The following GMDS variants were observed in gnomAD, a reference collection of about 807,000 sequenced individuals.
GMDS encodes the protein GDP-mannose 4,6 dehydratase.
Under a neutral mutation model 49.9 loss-of-function variants are expected in GMDS, and 20 were observed. That is an observed-to-expected ratio of 0.40 (90% confidence interval 0.28 to 0.58). The LOEUF is 0.58. GMDS is among the 20% of genes least tolerant of loss of function. The pLI, the probability that GMDS is intolerant of heterozygous loss-of-function variation, is 0.42. For synonymous variants in GMDS, 177 were observed against 178.6 expected (o/e 0.99, Z 0.07); for missense variants, 362 against 481.4 (o/e 0.75, Z 2.32).
chr6:1,794,968 T>G (rs754429710), intron 7 of GMDS, among the ~76,000 whole-genome samples: 11 of 151,990 alleles, frequency 7.2e-5, no homozygotes, highest in Non-Finnish European at 1.5e-4. Context: ...GGGTGGGTGA[T>G]TACTTGAGCC....
intron 9 of GMDS, 36 bp from the exon 10 acceptor site, chr6:1,624,576 G>A (rs772477524): frequency 6.7e-7 from 1 of 1,483,254 alleles, no homozygotes; most frequent in Non-Finnish European, 9.4e-7. Context: ...GCAGGCGTGG[G>A]TCGTGGGGGT....
intron 4 of GMDS, among the ~76,000 whole-genome samples, chr6:2,099,297 G>T (rs1478282031): frequency 6.6e-6 from 1 of 152,104 alleles, no homozygotes; most frequent in Non-Finnish European, 1.5e-5. Flanking sequence ...GTACTTGAGT[G>T]AAAGTACAGT....
At chr6:1,863,691 C>G (rs1581270425) in intron 7 of GMDS, among the ~76,000 whole-genome samples, 1 of 152,058 alleles carries the variant, frequency 6.6e-6, no homozygotes, top group Non-Finnish European at 1.5e-5. Flanking sequence ...TACAAGGTTG[C>G]CTGAGATCAC....
At chr6:1,775,779 TAC>T (rs1192553729) in intron 7 of GMDS, among the ~76,000 whole-genome samples, 2 of 152,178 alleles carry the variant, frequency 1.3e-5, no homozygotes, top group Non-Finnish European at 2.9e-5. Context: ...TTCTTTGAAA[TAC>T]AGAGAAATTA....
intron 4 of GMDS, among the ~76,000 whole-genome samples, chr6:2,052,833 C>T (rs1321043710): frequency 1.3e-5 from 2 of 152,054 alleles, no homozygotes; most frequent in Non-Finnish European, 2.9e-5. Flanking sequence ...GGAAACTAGC[C>T]CTAGGACCAA....
intron 9 of GMDS, among the ~76,000 whole-genome samples, chr6:1,647,230 C>T (rs1763512740): frequency 6.6e-6 from 1 of 152,216 alleles, no homozygotes; most frequent in Non-Finnish European, 1.5e-5. Flanking sequence ...GACATAACCC[C>T]TCCGCTGAAC....
intron 1 of GMDS, among the ~76,000 whole-genome samples, chr6:2,215,488 C>T (rs1780284738): frequency 6.7e-6 from 1 of 148,254 alleles, no homozygotes; most frequent in Admixed American, 6.7e-5. Flanking sequence ...ATGGGGGCAA[C>T]CACCCCCATG....
chr6:2,028,161 A>C (rs1318066380), intron 4 of GMDS, among the ~76,000 whole-genome samples: 3 of 152,222 alleles, frequency 2.0e-5, no homozygotes, highest in Non-Finnish European at 2.9e-5. Flanking sequence ...GTGTAAAATG[A>C]ATACTTTTGT....
chr6:1,749,703 C>T (rs1349647673), intron 7 of GMDS, among the ~76,000 whole-genome samples: 3 of 152,238 alleles, frequency 2.0e-5, no homozygotes, highest in Admixed American at 6.5e-5. Context: ...CTGCTTCTCT[C>T]TAATAGGTAA....
chr6:1,867,308 G>C (rs1266637758), intron 7 of GMDS, among the ~76,000 whole-genome samples: 1 of 152,170 alleles, frequency 6.6e-6, no homozygotes, highest in Non-Finnish European at 1.5e-5. Context: ...TTTCTAAAAA[G>C]AAATTATTTT....
intron 2 of GMDS, among the ~76,000 whole-genome samples, chr6:2,122,223 TG>T (rs1478678410): frequency 1.3e-5 from 2 of 152,190 alleles, no homozygotes; most frequent in African/African-American, 4.8e-5. Flanking sequence ...CCTTTAGTTG[TG>T]GTGGTTTCTC....
intron 9 of GMDS, among the ~76,000 whole-genome samples, chr6:1,695,439 C>T (rs1372344905): frequency 6.6e-6 from 1 of 152,170 alleles, no homozygotes; most frequent in Non-Finnish European, 1.5e-5. Flanking sequence ...CCTTGCAATG[C>T]ACTATTTTTC....
chr6:1,836,616 C>T lies in GMDS; in HGVS notation c.771+93487G>A, dbSNP rs1431147370. Among the ~76,000 whole-genome samples the T allele has an allele frequency of 8.5e-5, 13 of 152,142 alleles. No homozygotes were observed. The highest frequency in any genetic ancestry group is 3.8e-4 in the East Asian group (2 of 5,204). On this transcript the variant is annotated intron_variant, in intron 7 of 10. Coordinates refer to ENST00000380815, the MANE Select transcript of GMDS (RefSeq NM_001500.4). This position sits in a 1 kb window ranked among gnomAD's most constrained non-coding sequence, Gnocchi z 4.2. ...ATCAGTTTGCAGAAAAATATTCTTA[C>T]GAAAATAGTCCATAAAAGGGAGATT...
At chr6:2,193,786 C>T (rs147626903) in intron 1 of GMDS, among the ~76,000 whole-genome samples, 13 of 141,766 alleles carry the variant, frequency 9.2e-5, no homozygotes, top group African/African-American at 3.5e-4. Flanking sequence ...TGCAGTGGCG[C>T]GATCTCGGCT....
intron 9 of GMDS, among the ~76,000 whole-genome samples, chr6:1,629,401 C>T (rs934283956): frequency 3.3e-5 from 5 of 152,036 alleles, no homozygotes; most frequent in African/African-American, 7.2e-5. Context: ...AAGAAAACAG[C>T]AGGCGGTCCT....
intron 1 of GMDS, among the ~76,000 whole-genome samples, chr6:2,132,699 C>G (rs575156947): frequency 6.6e-6 from 1 of 152,326 alleles, no homozygotes; most frequent in East Asian, 1.9e-4. Flanking sequence ...TAAATCACCA[C>G]ACGAGCATGA....
At chr6:2,240,380 C>A (rs530625579) in intron 1 of GMDS, among the ~76,000 whole-genome samples, 5 of 152,136 alleles carry the variant, frequency 3.3e-5, no homozygotes, top group Non-Finnish European at 7.4e-5. Flanking sequence ...AGATTTATTT[C>A]CTATTTGATA....
chr6:1,641,130 C>A (rs141022460), intron 9 of GMDS, among the ~76,000 whole-genome samples: 14 of 152,352 alleles, frequency 9.2e-5, no homozygotes, highest in Middle Eastern at 3.4e-3. Flanking sequence ...CTTGGGGAAA[C>A]TGGTGGCTAC....
At chr6:1,923,813 T>C (rs1761850730) in intron 7 of GMDS, among the ~76,000 whole-genome samples, 1 of 152,218 alleles carries the variant, frequency 6.6e-6, no homozygotes, top group South Asian at 2.1e-4. Flanking sequence ...CTTCCAGATT[T>C]GTGTAACATA....
Sources: allele counts gnomAD v4.1 joint callset (sites outside exome capture counted in the v4.1 genomes callset), GRCh38; gene constraint gnomAD v4.1.1; non-coding constraint Gnocchi (gnomAD v3.1); transcripts MANE v1.5; gene names NCBI Gene and HGNC (gene_info 2026-07-23, HGNC 2026-07-21).